The following CELA1 variants were observed in gnomAD, a reference collection of about 807,000 sequenced individuals.
The protein encoded by CELA1 is chymotrypsin-like elastase family member 1.
CELA1 carries 28 observed loss-of-function variants against 34.8 expected under a neutral mutation model. The observed-to-expected ratio is 0.80, with a 90% CI of 0.60 to 1.10. The LOEUF is 1.10. Ranked by LOEUF, CELA1 falls within the 50% of genes least tolerant of loss-of-function variation. The pLI is 0.00. For missense variants in CELA1, 288 were observed against 327.5 expected, an observed-to-expected ratio of 0.88 and a Z score of 0.93; for synonymous variants, 140 against 129.8, an observed-to-expected ratio of 1.08 and a Z score of -0.53.
Position 51,329,683 on chromosome 12 carries a change from C to A in CELA1, c.759+1G>T. ...TCAACCCATCATTTGAGAGGACTCA[C>A]ATTATTTATCCAGGAGATGTAAGCA... On this transcript the variant is annotated splice_donor_variant, in intron 7 of 7. Coordinates refer to ENST00000293636, the MANE Select transcript of CELA1 (RefSeq NM_001971.6). LOFTEE classifies it high-confidence loss of function. 1.9e-6 allele frequency: 3 copies of A among 1,607,354 alleles called. No homozygotes were observed. The highest frequency in any genetic ancestry group is 2.5e-6 in the Non-Finnish European group (3 of 1,177,060).
At chr12:51,332,169 A>C (rs1946473859) in intron 6 of CELA1, among the ~76,000 whole-genome samples, 1 of 149,110 alleles carries the variant, frequency 6.7e-6, no homozygotes, top group Non-Finnish European at 1.5e-5. Context: ...TGGGTGACAG[A>C]GTAAGATCCT....
At chr12:51,342,193 AT>A (rs145657923) in intron 4 of CELA1, among the ~76,000 whole-genome samples, 12,916 of 146,378 alleles carry the variant, frequency 0.088, 576 homozygotes, top group Non-Finnish European at 0.11. Context: ...TGCCTGGCTA[AT>A]TTTTTTTTTT....
In CELA1 at chr12:51,346,633, C is replaced by T. The variant is rs1565703257; in HGVS notation, c.6G>A (p.Leu2=). The T allele has an allele frequency of 8.2e-7, 1 of 1,224,544 alleles. No individual in the cohort carries two copies. The highest frequency in any genetic ancestry group is 3.2e-5 in the East Asian group (1 of 30,900). The allele number at this position is 1,224,544 out of a possible 1,614,324, so 75.9% of individuals were successfully genotyped here. The part of the protein sequence containing the change: M[L]VLYGHSTQDL... ...ACCATATCCACTTACCATAAAGGACCAGCATGTTGCCGATGGAGTAGACCA... is the reference window on the plus strand; with the variant it reads ...ACCATATCCACTTACCATAAAGGACTAGCATGTTGCCGATGGAGTAGACCA... The change falls in exon 1 of 8, where the codon CTG becomes CTA. Residue 2 remains leucine (L), a synonymous_variant. Coordinates refer to ENST00000293636, the MANE Select transcript of CELA1 (RefSeq NM_001971.6).
intron 2 of CELA1, 77 bp downstream of exon 2, chr12:51,345,718 C>T: frequency 9.5e-7 from 1 of 1,049,184 alleles, no homozygotes; most frequent in East Asian, 2.6e-5. Flanking sequence ...GGGACATGCA[C>T]AAATACACAT....
At chr12:51,337,539 C>CCA (rs1555174490) in intron 6 of CELA1, among the ~76,000 whole-genome samples, 1 of 69,360 alleles carries the variant, frequency 1.4e-5, no homozygotes, top group African/African-American at 6.4e-5. Flanking sequence ...CTTATCTCTT[C>CCA]AAAAAAAAAA....
intron 2 of CELA1, among the ~76,000 whole-genome samples, chr12:51,345,413 C>T (rs967811657): frequency 9.2e-5 from 14 of 151,916 alleles, no homozygotes; most frequent in Admixed American, 2.0e-4. Flanking sequence ...TGTGTGTGTG[C>T]GCGCACATGC....
intron 6 of CELA1, among the ~76,000 whole-genome samples, chr12:51,335,004 A>G (rs1364868971): frequency 1.3e-5 from 2 of 152,158 alleles, no homozygotes; most frequent in East Asian, 1.9e-4. Flanking sequence ...TCAGCAGTCA[A>G]GTTGACTCCT....
At chr12:51,346,268 T>G (rs1289941656) in intron 1 of CELA1, among the ~76,000 whole-genome samples, 1 of 142,460 alleles carries the variant, frequency 7.0e-6, no homozygotes, top group Non-Finnish European at 1.5e-5. Flanking sequence ...GGGCCTGCAG[T>G]GCACACCCCA....
chr12:51,339,727 C>T, intron 6 of CELA1, 133 bp downstream of exon 6: 1 of 830,408 alleles, frequency 1.2e-6, no homozygotes, highest in South Asian at 1.9e-5. Flanking sequence ...ATCATTCTCA[C>T]TTAGACGCCA....
chr12:51,346,195 C>A (rs1433625512), intron 1 of CELA1, among the ~76,000 whole-genome samples: 1 of 138,088 alleles, frequency 7.2e-6, no homozygotes, highest in East Asian at 2.2e-4. Flanking sequence ...CCTGAAGAGA[C>A]CCCCCCCCAC....
At chr12:51,329,601 C>T in intron 7 of CELA1, 83 bp downstream of exon 7, 1 of 1,392,126 alleles carries the variant, frequency 7.2e-7, no homozygotes, top group Non-Finnish European at 9.7e-7. Flanking sequence ...CTTGCCCAGT[C>T]CATCCAACGT....
intron 7 of CELA1, among the ~76,000 whole-genome samples, chr12:51,328,928 C>T (rs1331685651): frequency 6.6e-6 from 1 of 152,140 alleles, no homozygotes; most frequent in Admixed American, 6.5e-5. Context: ...CCTCACCTAA[C>T]TCTCAAGCAT....
intron 6 of CELA1, among the ~76,000 whole-genome samples, chr12:51,339,165 G>C (rs1406335463): frequency 2.0e-5 from 3 of 152,190 alleles, no homozygotes; most frequent in Non-Finnish European, 4.4e-5. Flanking sequence ...AAGAGAAGTA[G>C]GACTGATAGG....
chr12:51,345,861 G>A lies in CELA1; in HGVS notation c.33C>T (p.Asp11=), dbSNP rs1366526696. 1 of 1,558,814 alleles carries A rather than the reference G, an allele frequency of 6.4e-7. No individual in the cohort carries two copies. The change falls in exon 2 of 8, where the codon GAC becomes GAT. Residue 11 remains aspartate (D), a synonymous_variant. Transcript: ENST00000293636. ...CTACGCGGGCATTGGTTTCCGGAAG[G>A]TCCTGGGTGCTGTGTCCTTTGTGGG... The part of the protein sequence containing the change: MLVLYGHSTQ[D]LPETNARVVG...
At chr12:51,344,155 C>G (rs1046119748) in intron 2 of CELA1, among the ~76,000 whole-genome samples, 2 of 152,186 alleles carry the variant, frequency 1.3e-5, no homozygotes, top group Admixed American at 6.5e-5. Flanking sequence ...TTCATCTGAC[C>G]TGCCAATTGC....
At chr12:51,338,984 G>T (rs2137480264) in intron 6 of CELA1, among the ~76,000 whole-genome samples, 1 of 152,256 alleles carries the variant, frequency 6.6e-6, no homozygotes, top group Non-Finnish European at 1.5e-5. Context: ...CTTAAAAAGA[G>T]AAATCTGTAA....
At chr12:51,335,056 G>T (rs1267751587) in intron 6 of CELA1, among the ~76,000 whole-genome samples, 3 of 152,052 alleles carry the variant, frequency 2.0e-5, no homozygotes, top group Non-Finnish European at 4.4e-5. Context: ...TAGAACACCT[G>T]CCAACGTTCG....
rs114074336 is a variant in CELA1 at position 51,337,185 on chromosome 12, T to A, written c.609+2675A>T. Among the ~76,000 whole-genome samples, 833 of 152,252 alleles carry A rather than the reference T, an allele frequency of 5.5e-3. 6 individuals carry two copies. The highest frequency in any genetic ancestry group is 0.019 in the African/African-American group (769 of 41,566). ...TCTGTTAAGGGCCAAACAGTACATATTTCAGGCTTTGCAGGCCATACCGTC... is the reference window on the plus strand; with the variant it reads ...TCTGTTAAGGGCCAAACAGTACATAATTCAGGCTTTGCAGGCCATACCGTC... On this transcript the variant is annotated intron_variant, in intron 6 of 7. Coordinates refer to ENST00000293636, the MANE Select transcript of CELA1 (RefSeq NM_001971.6).
chr12:51,343,228 G>A (rs1592299047), intron 3 of CELA1, among the ~76,000 whole-genome samples: 1 of 152,106 alleles, frequency 6.6e-6, no homozygotes, highest in Non-Finnish European at 1.5e-5. Flanking sequence ...TTAAAGCGTG[G>A]TTCCTGGGCC....
Sources: allele counts gnomAD v4.1 joint callset (sites outside exome capture counted in the v4.1 genomes callset), GRCh38; gene constraint gnomAD v4.1.1; transcripts MANE v1.5; gene names NCBI Gene and HGNC (gene_info 2026-07-23, HGNC 2026-07-21).